Variants in TMEM132D observed in about 807,000 individuals in gnomAD.
The protein encoded by TMEM132D is transmembrane protein 132D, also known as mature OL transmembrane protein.
In TMEM132D, 21 loss-of-function variants were observed where a neutral mutation model predicts 62.3. The ratio of observed to expected loss-of-function variants is 0.34; its 90% CI spans 0.24 to 0.49. The LOEUF (loss-of-function observed/expected upper bound fraction) is 0.49, where lower values mean the gene tolerates loss of function less well. TMEM132D is among the 20% of genes least tolerant of loss of function. The pLI, the probability that TMEM132D is intolerant of heterozygous loss-of-function variation, is 0.99. For synonymous variants in TMEM132D, 621 were observed against 575.6 expected, an observed-to-expected ratio of 1.08 and a Z score of -1.13; for missense variants, 1,346 against 1,402.8, an observed-to-expected ratio of 0.96 and a Z score of 0.65.
At chr12:129,117,624 C>T (rs1306372975) in intron 5 of TMEM132D, among the ~76,000 whole-genome samples, 1 of 152,136 alleles carries the variant, frequency 6.6e-6, no homozygotes, top group African/African-American at 2.4e-5. Context: ...TCTCCTGGGG[C>T]TGCACTTTTA....
At chr12:129,117,453 C>T (rs1262993065) in intron 5 of TMEM132D, among the ~76,000 whole-genome samples, 2 of 152,164 alleles carry the variant, frequency 1.3e-5, no homozygotes, top group African/African-American at 4.8e-5. Context: ...TTCAGGTCTG[C>T]CCCAAAAGCT....
At chr12:129,893,104 T>C (rs1016971931) in intron 1 of TMEM132D, among the ~76,000 whole-genome samples, 10 of 152,126 alleles carry the variant, frequency 6.6e-5, no homozygotes, top group African/African-American at 2.4e-4. Context: ...CTTGAACTCT[T>C]GACCTCGTGA....
chr12:129,442,507 G>A (rs865969948), intron 3 of TMEM132D, among the ~76,000 whole-genome samples: 2 of 152,172 alleles, frequency 1.3e-5, no homozygotes, highest in Non-Finnish European at 2.9e-5. Flanking sequence ...AAAGGGGGAA[G>A]CTAGGACTCC....
At chr12:129,191,794 C>T (rs541143088) in intron 5 of TMEM132D, among the ~76,000 whole-genome samples, 263 of 152,004 alleles carry the variant, frequency 1.7e-3, no homozygotes, top group African/African-American at 5.9e-3. Flanking sequence ...CACACACACA[C>T]GAAATATCTC....
At chr12:129,096,384 AGGACCCAGGAT>A (rs1303551738) in intron 5 of TMEM132D, among the ~76,000 whole-genome samples, 5 of 152,124 alleles carry the variant, frequency 3.3e-5, no homozygotes, top group Admixed American at 6.5e-5. Flanking sequence ...GAGGAAGGGA[AGGACCCAGGAT>A]GGCAGCGGGA....
chr12:129,375,082 G>A (rs1870745202), intron 3 of TMEM132D, among the ~76,000 whole-genome samples: 1 of 152,196 alleles, frequency 6.6e-6, no homozygotes, highest in South Asian at 2.1e-4. Context: ...GTAAATCTCA[G>A]CCACAACACT....
At chr12:129,150,674 C>T (rs1877046479) in intron 5 of TMEM132D, among the ~76,000 whole-genome samples, 1 of 152,200 alleles carries the variant, frequency 6.6e-6, no homozygotes. Flanking sequence ...CTGGGCTTCT[C>T]CAATTGAGAG....
intron 4 of TMEM132D, among the ~76,000 whole-genome samples, chr12:129,285,557 C>G (rs10773629): frequency 7.7e-6 from 1 of 130,408 alleles, no homozygotes. Flanking sequence ...GAGAGAGAGG[C>G]TCCCATTATC....
intron 2 of TMEM132D, among the ~76,000 whole-genome samples, chr12:129,699,280 C>T (rs1018605587): frequency 6.6e-6 from 1 of 152,096 alleles, no homozygotes; most frequent in African/African-American, 2.4e-5. Flanking sequence ...ACACGTTATG[C>T]TCATTTATTT....
At chr12:129,186,756 C>T (rs1048066902) in intron 5 of TMEM132D, among the ~76,000 whole-genome samples, 16 of 152,208 alleles carry the variant, frequency 1.1e-4, no homozygotes, top group Admixed American at 9.8e-4. Flanking sequence ...AATCACTCCG[C>T]AGGAGATTTA....
intron 1 of TMEM132D, among the ~76,000 whole-genome samples, chr12:129,706,685 A>C (rs989103504): frequency 2.6e-5 from 4 of 152,004 alleles, no homozygotes; most frequent in Admixed American, 2.6e-4. Context: ...ACCTTCCCAT[A>C]AACTAATCAT....
At chr12:129,166,966 C>T (rs1299987947) in intron 5 of TMEM132D, among the ~76,000 whole-genome samples, 3 of 151,928 alleles carry the variant, frequency 2.0e-5, no homozygotes, top group Non-Finnish European at 4.4e-5. Context: ...GAGTTCGAGA[C>T]CAACCTGGCC....
chr12:129,844,498 A>C (rs1418826695), intron 1 of TMEM132D, among the ~76,000 whole-genome samples: 1 of 152,220 alleles, frequency 6.6e-6, no homozygotes, highest in Non-Finnish European at 1.5e-5. Flanking sequence ...ATTCATCACT[A>C]TTAAAGATTC....
chr12:129,225,687 T>G (rs1879463007), intron 4 of TMEM132D, among the ~76,000 whole-genome samples: 1 of 152,208 alleles, frequency 6.6e-6, no homozygotes, highest in Non-Finnish European at 1.5e-5. Flanking sequence ...AGGCTGCTTA[T>G]TAGTAGTATC....
chr12:129,229,752 T>C (rs909158108), intron 4 of TMEM132D, among the ~76,000 whole-genome samples: 1 of 152,204 alleles, frequency 6.6e-6, no homozygotes, highest in Non-Finnish European at 1.5e-5. Context: ...TTTAACCCTC[T>C]AGAGGCACCG....
chr12:129,708,624 A>C (rs1311103074), intron 1 of TMEM132D, among the ~76,000 whole-genome samples: 1 of 90,324 alleles, frequency 1.1e-5, no homozygotes, highest in Non-Finnish European at 2.1e-5. Context: ...AAAAAAAAAA[A>C]AAAAAAACAC....
In TMEM132D at chr12:129,903,635, T is replaced by A; in HGVS notation, c.-296A>T. The A allele has an allele frequency of 2.8e-6, 1 of 356,818 alleles. No individual in the cohort carries two copies. Among genetic ancestry groups the A allele is most frequent in the Admixed American group, 4.3e-5 (1 of 23,262 alleles). The allele number at this position is 356,818 out of a possible 1,614,324, so 22.1% of individuals were successfully genotyped here. ...TTTAAATTTTAATCCACAGGGGGTA[T>A]TTCCTTTCCTGTTTACCCGAGCGAA... On this transcript the variant is annotated 5_prime_UTR_variant, in exon 1 of 9. Transcript: ENST00000422113. The surrounding 1 kb of genome is among the most constrained non-coding windows in gnomAD (Gnocchi z 6.2).
chr12:129,618,669 A>G (rs4759978), intron 2 of TMEM132D, among the ~76,000 whole-genome samples: 15,271 of 152,286 alleles, frequency 0.1, 874 homozygotes, highest in Middle Eastern at 0.15. Context: ...AATTATTTAA[A>G]ATGCACATCT....
At chr12:129,154,358 C>T (rs1877170091) in intron 5 of TMEM132D, among the ~76,000 whole-genome samples, 1 of 152,150 alleles carries the variant, frequency 6.6e-6, no homozygotes. Flanking sequence ...TACATTTCCC[C>T]AGTTTTGCAA....
Sources: allele counts gnomAD v4.1 joint callset (sites outside exome capture counted in the v4.1 genomes callset), GRCh38; gene constraint gnomAD v4.1.1; non-coding constraint Gnocchi (gnomAD v3.1); transcripts MANE v1.5; gene names NCBI Gene and HGNC (gene_info 2026-07-23, HGNC 2026-07-21).